The following EPB41L4A variants were observed in gnomAD, a reference collection of about 807,000 sequenced individuals.
EPB41L4A encodes the protein erythrocyte membrane protein band 4.1 like 4A.
Under a neutral mutation model 108.6 loss-of-function variants are expected in EPB41L4A, and 100 were observed. That is an observed-to-expected ratio of 0.92 (90% CI 0.78 to 1.09). The LOEUF (loss-of-function observed/expected upper bound fraction) is 1.09, where lower values mean the gene tolerates loss of function less well. Ranked by LOEUF, EPB41L4A falls within the 50% of genes least tolerant of loss-of-function variation. The pLI is 0.00. For missense variants in EPB41L4A, 1,030 were observed against 842.7 expected (o/e 1.22, Z -2.75); for synonymous variants, 319 against 289.0 (o/e 1.10, Z -1.05).
intron 1 of EPB41L4A, among the ~76,000 whole-genome samples, chr5:112,327,657 G>T (rs973199747): frequency 6.6e-6 from 1 of 152,128 alleles, no homozygotes; most frequent in Non-Finnish European, 1.5e-5. Flanking sequence ...GTTTGAGGCT[G>T]CAGTGAGCTA....
chr5:112,395,901 C>G (rs932960165), intron 1 of EPB41L4A, among the ~76,000 whole-genome samples: 2 of 152,066 alleles, frequency 1.3e-5, no homozygotes, highest in Non-Finnish European at 2.9e-5. Flanking sequence ...ATACACCATG[C>G]AATACTATGC....
chr5:112,296,578 C>T (rs1007221263), intron 2 of EPB41L4A, among the ~76,000 whole-genome samples: 9 of 152,100 alleles, frequency 5.9e-5, no homozygotes, highest in Middle Eastern at 3.2e-3. Context: ...AAAAGATGCG[C>T]TTCCAATAAA....
intron 1 of EPB41L4A, among the ~76,000 whole-genome samples, chr5:112,322,732 A>T (rs1364653173): frequency 6.6e-6 from 1 of 151,210 alleles, no homozygotes; most frequent in African/African-American, 2.4e-5. Context: ...ACACACTCAC[A>T]CACACACCCC....
chr5:112,178,494 A>C (rs756348065), intron 18 of EPB41L4A, among the ~76,000 whole-genome samples: 2 of 152,142 alleles, frequency 1.3e-5, no homozygotes, highest in Non-Finnish European at 2.9e-5. Flanking sequence ...ATTCTTCTTG[A>C]GTCTACAGAT....
chr5:112,284,672 A>T (rs1292791583), intron 2 of EPB41L4A, among the ~76,000 whole-genome samples: 1 of 152,172 alleles, frequency 6.6e-6, no homozygotes, highest in African/African-American at 2.4e-5. Context: ...CACTCCTAAC[A>T]TACTGTATCC....
chr5:112,272,596 A>G (rs1752340965), intron 4 of EPB41L4A, among the ~76,000 whole-genome samples: 1 of 151,864 alleles, frequency 6.6e-6, no homozygotes, highest in African/African-American at 2.4e-5. Flanking sequence ...CCTGCCCAAC[A>G]TGGCGAAACC....
At chr5:112,365,531 A>C (rs1443401872) in intron 1 of EPB41L4A, among the ~76,000 whole-genome samples, 2 of 152,226 alleles carry the variant, frequency 1.3e-5, no homozygotes, top group Non-Finnish European at 2.9e-5. Context: ...GAAAAGTTGC[A>C]GAGATAATAT....
chr5:112,296,234 A>T (rs1753976767), intron 2 of EPB41L4A, among the ~76,000 whole-genome samples: 1 of 152,150 alleles, frequency 6.6e-6, no homozygotes, highest in African/African-American at 2.4e-5. Flanking sequence ...TGATTTTAAA[A>T]TTTTTCTAAA....
intron 2 of EPB41L4A, among the ~76,000 whole-genome samples, chr5:112,290,513 G>A (rs148791278): frequency 3.3e-5 from 5 of 152,256 alleles, no homozygotes; most frequent in East Asian, 3.9e-4. Flanking sequence ...CCTGAATCCC[G>A]TGAGTGGACT....
At chr5:112,228,486 G>C (rs1748631310) in intron 12 of EPB41L4A, 1 of 157,172 alleles carries the variant, frequency 6.4e-6, no homozygotes, top group African/African-American at 2.4e-5. Flanking sequence ...ATCTTATCTT[G>C]CTTTGCAATA....
At chr5:112,145,426 G>A (rs1339704547) in intron 13 of EPB41L4A, among the ~76,000 whole-genome samples, 4 of 152,306 alleles carry the variant, frequency 2.6e-5, no homozygotes, top group African/African-American at 9.6e-5. Context: ...TGCTATTTGA[G>A]ATGGAGATTT....
downstream of EPB41L4A, chr5:112,160,612 G>C (rs536591534): frequency 4.6e-5 from 7 of 152,862 alleles, no homozygotes; most frequent in East Asian, 5.8e-4. Context: ...CTGGTCGGGT[G>C]GGGGGATGTC....
At chr5:112,349,787 T>C (rs1415618298) in intron 1 of EPB41L4A, among the ~76,000 whole-genome samples, 1 of 152,016 alleles carries the variant, frequency 6.6e-6, no homozygotes, top group African/African-American at 2.4e-5. Flanking sequence ...AAGCTGATAG[T>C]GGGAAAACAG....
chr5:112,295,693 T>C (rs1030251301), intron 2 of EPB41L4A, among the ~76,000 whole-genome samples: 13 of 152,252 alleles, frequency 8.5e-5, no homozygotes, highest in African/African-American at 2.7e-4. Context: ...CATAGTGTTA[T>C]GTATTTTTCC....
intron 12 of EPB41L4A, among the ~76,000 whole-genome samples, chr5:112,222,949 T>TC (rs991945632): frequency 4.2e-5 from 6 of 143,076 alleles, no homozygotes; most frequent in African/African-American, 1.5e-4. Flanking sequence ...CTAGTTTTTT[T>TC]TTTTTTTTTT....
intron 4 of EPB41L4A, among the ~76,000 whole-genome samples, chr5:112,269,432 T>C (rs988645939): frequency 6.6e-6 from 1 of 152,196 alleles, no homozygotes; most frequent in Non-Finnish European, 1.5e-5. Flanking sequence ...AAAGTAACTA[T>C]ATATTGCTTA....
chr5:112,250,358 A>G (rs1293926157), intron 9 of EPB41L4A, among the ~76,000 whole-genome samples: 1 of 152,194 alleles, frequency 6.6e-6, no homozygotes, highest in Non-Finnish European at 1.5e-5. Flanking sequence ...ATTTGAAGGA[A>G]TTCACAGATA....
chr5:112,339,525 TATCTATATATATATATA>T, intron 1 of EPB41L4A, among the ~76,000 whole-genome samples: 1 of 62,106 alleles, frequency 1.6e-5, no homozygotes, highest in Non-Finnish European at 3.0e-5. Context: ...TATAGATATA[TATCTATATATATATATA>T]TTTTTTTTTT....
At chr5:112,302,369 G>C (rs964717650) in intron 2 of EPB41L4A, among the ~76,000 whole-genome samples, 96 of 152,076 alleles carry the variant, frequency 6.3e-4, no homozygotes, top group African/African-American at 2.2e-3. Flanking sequence ...GAAAATCACT[G>C]ATCTCAGAAA....
Sources: allele counts gnomAD v4.1 joint callset (sites outside exome capture counted in the v4.1 genomes callset), GRCh38; gene constraint gnomAD v4.1.1; transcripts MANE v1.5; gene names NCBI Gene and HGNC (gene_info 2026-07-23, HGNC 2026-07-21).